The following MYH14 variants were observed in gnomAD, a reference collection of about 807,000 sequenced individuals.
MYH14 encodes the protein myosin heavy chain 14.
MYH14 carries 123 observed loss-of-function variants against 255.5 expected under a neutral mutation model. The ratio of observed to expected loss-of-function variants is 0.48; its 90% confidence interval spans 0.42 to 0.56. MYH14 has a LOEUF of 0.56. MYH14 is among the 20% of genes least tolerant of loss of function. The pLI, the probability that MYH14 is intolerant of heterozygous loss-of-function variation, is 0.00. For missense variants in MYH14, 2,423 were observed against 2,802.3 expected (o/e 0.86, Z 3.06); for synonymous variants, 1,095 against 1,161.2 (o/e 0.94, Z 1.16).
rs774452001 is a variant in MYH14, at chr19:50,257,399, C to T, written c.2145C>T (p.Tyr715=). ...RGMFRTVGQL[Y]KESLSRLMAT... ...TGTTCCGGACAGTGGGACAGCTCTA[C>T]AAGGAGTCCCTGAGCCGCCTCATGG... The change falls in exon 18 of 43, where the codon TAC becomes TAT. Residue 715 remains tyrosine (Y), a synonymous_variant. Coordinates refer to ENST00000642316, the MANE Select transcript of MYH14 (RefSeq NM_001145809.2). The T allele has an allele frequency of 3.7e-6, 6 of 1,608,202 alleles. No homozygotes were observed. Among genetic ancestry groups the T allele is most frequent in the Non-Finnish European group, 5.1e-6 (6 of 1,177,272 alleles).
intron 24 of MYH14, among the ~76,000 whole-genome samples, chr19:50,269,438 T>C (rs1173047600): frequency 1.3e-5 from 2 of 152,156 alleles, no homozygotes; most frequent in East Asian, 3.8e-4. Context: ...CACCTCAGCC[T>C]TCCAAGGTGC....
intron 1 of MYH14, among the ~76,000 whole-genome samples, chr19:50,207,459 C>A (rs1050656781): frequency 6.6e-6 from 1 of 152,036 alleles, no homozygotes; most frequent in African/African-American, 2.4e-5. Flanking sequence ...CATTCTAGTT[C>A]CCCCAGCACC....
At chr19:50,245,479 GAA>G (rs2034076646) in intron 11 of MYH14, among the ~76,000 whole-genome samples, 2 of 148,852 alleles carry the variant, frequency 1.3e-5, no homozygotes, top group African/African-American at 4.9e-5. Context: ...AAAAGAAAAA[GAA>G]AGACAATTAC....
intron 22 of MYH14, among the ~76,000 whole-genome samples, chr19:50,264,685 C>A (rs929870326): frequency 6.6e-6 from 1 of 152,146 alleles, no homozygotes; most frequent in Admixed American, 6.5e-5. Context: ...GGAGTCTTGC[C>A]CCTAACAACC....
At chr19:50,270,575 A>G (rs2035260333) in intron 24 of MYH14, among the ~76,000 whole-genome samples, 1 of 151,780 alleles carries the variant, frequency 6.6e-6, no homozygotes, top group African/African-American at 2.4e-5. Flanking sequence ...AATAAAATAA[A>G]TTCAAAAAAT....
At chr19:50,268,050 C>T (rs879355137) in intron 23 of MYH14, 111 bp from the exon 24 acceptor site, 70 of 1,390,850 alleles carry the variant, frequency 5.0e-5, no homozygotes, top group Non-Finnish European at 5.4e-5. Flanking sequence ...GCCCCTCAGT[C>T]CTGCCCTGGA....
intron 39 of MYH14, among the ~76,000 whole-genome samples, chr19:50,300,884 G>A (rs1055555177): frequency 6.6e-6 from 1 of 152,074 alleles, no homozygotes; most frequent in Non-Finnish European, 1.5e-5. Flanking sequence ...GATTTCACCA[G>A]CTGGGCAACG....
In MYH14 at chr19:50,233,760, A is replaced by G. The variant is rs1414105723; in HGVS notation, c.1114+1690A>G. 7.3e-5 allele frequency among the ~76,000 whole-genome samples: 11 copies of G among 151,674 alleles called. No individual in the cohort carries two copies. In the South Asian group the frequency reaches 1.3e-3, roughly 17 times the overall value. On this transcript the variant is annotated intron_variant, in intron 10 of 42. Transcript: ENST00000642316. ...ACCCGATCTCTGCTTTTGTGTTCAC[A>G]TGGCGGCTCCCTGTGTGTGCATCTG...
In MYH14 at chr19:50,301,522, G is replaced by A. The variant is rs1413500074; in HGVS notation, c.5470-139G>A. On this transcript the variant is annotated intron_variant, in intron 39 of 42. Transcript: ENST00000642316. Reference sequence around the variant, plus strand: ...ATAAAAATACAAGCTAACATCTGTTGAGTATTTAGTATGTTTCAGGCTCTG... The same window carrying A: ...ATAAAAATACAAGCTAACATCTGTTAAGTATTTAGTATGTTTCAGGCTCTG... The A allele has an allele frequency of 4.8e-6, 3 of 624,192 alleles. No individual in the cohort carries two copies. In the East Asian group the frequency reaches 8.3e-5, roughly 17 times the overall value. The allele number at this position is 624,192 out of a possible 1,614,324, so 38.7% of individuals were successfully genotyped here. A position where few individuals can be genotyped will look rare whatever the true frequency, so the allele number is the denominator to read the frequency against.
chr19:50,307,031 C>A lies in MYH14; in HGVS notation c.5679-18C>A. 1 of 1,536,156 alleles carries A rather than the reference C, an allele frequency of 6.5e-7. No individual in the cohort carries two copies. The highest frequency in any genetic ancestry group is 8.8e-7 in the Non-Finnish European group (1 of 1,133,694). On this transcript the variant is annotated intron_variant, in intron 40 of 42. Coordinates refer to ENST00000642316, the MANE Select transcript of MYH14 (RefSeq NM_001145809.2). Reference sequence around the variant, plus strand: ...GTTGAGCCCCTCTACTGAGACTCCTCCTCATCCCTCTCTTCAGAGAGCGCA... The same window carrying A: ...GTTGAGCCCCTCTACTGAGACTCCTACTCATCCCTCTCTTCAGAGAGCGCA...
intron 6 of MYH14, 68 bp downstream of exon 6, chr19:50,224,245 C>T: frequency 6.2e-7 from 1 of 1,608,858 alleles, no homozygotes; most frequent in Non-Finnish European, 8.5e-7. Context: ...AATGCATGAT[C>T]TTCTTGGTAG....
At chr19:50,232,593 C>CAAAAA (rs532232129) in intron 10 of MYH14, among the ~76,000 whole-genome samples, 9 of 63,696 alleles carry the variant, frequency 1.4e-4, no homozygotes, top group Non-Finnish European at 1.9e-4. Context: ...GACTCTGTCT[C>CAAAAA]AAAAAAAAAA....
Position 50,286,536 on chromosome 19 carries a change from G to A in MYH14, c.4594G>A (p.Ala1532Thr). The change falls in exon 34 of 43, where the codon GCC becomes ACC. Residue 1532 changes from alanine (A) to threonine (T), a missense_variant. Coordinates refer to ENST00000642316, the MANE Select transcript of MYH14 (RefSeq NM_001145809.2). Reference protein sequence around the residue: ...VLRAVEERERAEAEGREREAR... With the variant: ...VLRAVEERERTEAEGREREAR... ...TCGGGCAGTGGAGGAACGTGAGCGG[G>A]CCGAGGCAGAGGGCCGGGAGCGTGA... The A allele has an allele frequency of 2.5e-6, 4 of 1,613,504 alleles. No homozygotes were observed. The highest frequency in any genetic ancestry group is 3.4e-6 in the Non-Finnish European group (4 of 1,179,746).
At position 50,292,361 on chromosome 19, in the gene MYH14, T is replaced by C; in HGVS notation, c.5228T>C (p.Leu1743Pro). The change falls in exon 37 of 43, where the codon CTG becomes CCG. Residue 1743 changes from leucine to proline, a missense_variant. Around this residue, in one of 3 missense-constraint regions of MYH14, gnomAD observed 1,513 missense variants for 1,674.8 expected, o/e 0.90. Transcript: ENST00000642316. ...GAAAGTGAAAAGCGCCTCAAGGGCC[T>C]GGAGGCTGAGGTGCTGCGGCTGCAG... Reference protein sequence around the residue: ...NRESEKRLKGLEAEVLRLQEE... With the variant: ...NRESEKRLKGPEAEVLRLQEE... The C allele has an allele frequency of 6.3e-7, 1 of 1,589,440 alleles. No homozygotes were observed. Among genetic ancestry groups the C allele is most frequent in the South Asian group, 1.2e-5 (1 of 86,730 alleles).
At chr19:50,227,396 C>T (rs1476644179) in intron 8 of MYH14, among the ~76,000 whole-genome samples, 1 of 152,126 alleles carries the variant, frequency 6.6e-6, no homozygotes, top group African/African-American at 2.4e-5. Context: ...CCCGGGGAAG[C>T]ACAGAGAGAC....
chr19:50,248,877 G>T, intron 12 of MYH14, 110 bp from the exon 13 acceptor site: 1 of 1,106,266 alleles, frequency 9.0e-7, no homozygotes, highest in Non-Finnish European at 1.3e-6. Flanking sequence ...CAAGGAGCTG[G>T]GAGGCGACCT....
In MYH14 at chr19:50,282,729, AT is replaced by A. The variant is rs1030203663; in HGVS notation, c.4539+894del. On this transcript the variant is annotated intron_variant, in intron 33 of 42. Transcript: ENST00000642316. ...AAAAAAAAATAAAAAATTAAAAAAA[AT>A]TTTTTTAAATTGTCATTTCCCTGTA... Among the ~76,000 whole-genome samples the A allele has an allele frequency of 2.1e-4, 32 of 152,278 alleles. No homozygotes were observed. The South Asian group carries it at 3.9e-3, about 19-fold the overall frequency.
At chr19:50,210,175 G>T (rs2032093981) in intron 1 of MYH14, among the ~76,000 whole-genome samples, 188 bp from the exon 2 acceptor site, 1 of 142,216 alleles carries the variant, frequency 7.0e-6, no homozygotes, top group Admixed American at 7.1e-5. Flanking sequence ...ATTAAAGAAT[G>T]AATGAGTGCC....
intron 22 of MYH14, among the ~76,000 whole-genome samples, chr19:50,263,984 G>A (rs2034983853): frequency 1.4e-5 from 2 of 147,122 alleles, no homozygotes; most frequent in South Asian, 4.3e-4. Context: ...TCAAACCTAG[G>A]AGGTGGAGGT....
Sources: allele counts gnomAD v4.1 joint callset (sites outside exome capture counted in the v4.1 genomes callset), GRCh38; gene constraint gnomAD v4.1.1; regional missense constraint gnomAD v4.1.1; transcripts MANE v1.5; gene names NCBI Gene and HGNC (gene_info 2026-07-23, HGNC 2026-07-21).